Variants in ATRNL1 observed in about 807,000 individuals in gnomAD.
ATRNL1 encodes attractin like 1.
ATRNL1 carries 95 observed loss-of-function variants against 182.7 expected under a neutral mutation model. The observed-to-expected ratio is 0.52, with a 90% confidence interval of 0.44 to 0.62. The LOEUF is 0.62. Ranked by LOEUF, ATRNL1 falls within the 20% of genes least tolerant of loss-of-function variation. The pLI, the probability that ATRNL1 is intolerant of heterozygous loss-of-function variation, is 0.00. For missense variants in ATRNL1, 1,471 were observed against 1,679.5 expected (o/e 0.88, Z 2.17); for synonymous variants, 576 against 568.3 (o/e 1.01, Z -0.19).
At chr10:115,097,249 C>T (rs573361956) in intron 1 of ATRNL1, among the ~76,000 whole-genome samples, 5 of 152,030 alleles carry the variant, frequency 3.3e-5, no homozygotes, top group African/African-American at 1.2e-4. Context: ...TTTGGGAGGC[C>T]GAGGTGGAAG....
intron 10 of ATRNL1, among the ~76,000 whole-genome samples, chr10:115,249,340 C>T (rs1054575324): frequency 8.7e-5 from 13 of 149,926 alleles, no homozygotes; most frequent in South Asian, 2.1e-4. Flanking sequence ...TATATATATA[C>T]ACACACACAC....
At position 115,506,061 on chromosome 10, in the gene ATRNL1, G is replaced by A. The variant is rs981042359; in HGVS notation, c.3655-13202G>A. Among the ~76,000 whole-genome samples the A allele has an allele frequency of 2.0e-5, 3 of 151,724 alleles. No individual in the cohort carries two copies. The South Asian group carries it at 6.2e-4, about 32-fold the overall frequency. On this transcript the variant is annotated intron_variant, in intron 24 of 28. Coordinates refer to ENST00000355044, the MANE Select transcript of ATRNL1 (RefSeq NM_207303.4). The stretch of plus-strand genomic sequence containing the variant: ...GCTAGTAAAAAGGTGGCCTTGTTAT[G>A]TAAATAAAGCCCCTTTAGTAGTTAA...
chr10:115,506,715 T>A (rs1850130463), intron 24 of ATRNL1, among the ~76,000 whole-genome samples: 1 of 152,044 alleles, frequency 6.6e-6, no homozygotes, highest in Admixed American at 6.6e-5. Context: ...TTTTGGGAGA[T>A]CAGGGATTCT....
chr10:115,740,609 A>G (rs1948109430), intron 27 of ATRNL1, among the ~76,000 whole-genome samples: 1 of 152,074 alleles, frequency 6.6e-6, no homozygotes, highest in Non-Finnish European at 1.5e-5. Context: ...GGGTTCATGC[A>G]ATTCTTCTGC....
chr10:115,351,076 T>C (rs1474015831), intron 19 of ATRNL1, among the ~76,000 whole-genome samples: 1 of 152,188 alleles, frequency 6.6e-6, no homozygotes, highest in Non-Finnish European at 1.5e-5. Flanking sequence ...GAAATGCTAC[T>C]GAATTTATAT....
intron 26 of ATRNL1, among the ~76,000 whole-genome samples, chr10:115,625,234 G>T (rs1249149426): frequency 6.6e-6 from 1 of 152,088 alleles, no homozygotes; most frequent in Non-Finnish European, 1.5e-5. Context: ...AGGTCTTTTG[G>T]TAGCTGCAAA....
At chr10:115,406,856 T>A (rs1158813410) in intron 20 of ATRNL1, among the ~76,000 whole-genome samples, 4 of 152,144 alleles carry the variant, frequency 2.6e-5, no homozygotes, top group African/African-American at 9.7e-5. Flanking sequence ...TTCTTAATTT[T>A]AATATAATCC....
chr10:115,658,706 G>A (rs1555036792), intron 26 of ATRNL1, among the ~76,000 whole-genome samples: 1 of 152,130 alleles, frequency 6.6e-6, no homozygotes, highest in Non-Finnish European at 1.5e-5. Flanking sequence ...CCTCTTCCCT[G>A]TAGAGTTGCC....
intron 15 of ATRNL1, among the ~76,000 whole-genome samples, chr10:115,290,950 A>G (rs1554920654): frequency 6.6e-6 from 1 of 152,164 alleles, no homozygotes. Context: ...CCTTTACTGT[A>G]CACGTGGTTG....
At chr10:115,579,155 A>G (rs782673029) in intron 26 of ATRNL1, among the ~76,000 whole-genome samples, 1 of 151,730 alleles carries the variant, frequency 6.6e-6, no homozygotes, top group Non-Finnish European at 1.5e-5. Context: ...ATGTGCACTT[A>G]AGAGGAATGT....
At chr10:115,365,611 T>G (rs529315153) in intron 19 of ATRNL1, among the ~76,000 whole-genome samples, 28 of 152,130 alleles carry the variant, frequency 1.8e-4, no homozygotes, top group African/African-American at 6.5e-4. Flanking sequence ...AATTGTGATG[T>G]TAGGGTGTCA....
chr10:115,736,489 G>A (rs782519161), intron 27 of ATRNL1, among the ~76,000 whole-genome samples: 33 of 151,422 alleles, frequency 2.2e-4, no homozygotes, highest in Non-Finnish European at 3.7e-4. Context: ...TTATTTTTAC[G>A]TTGTATCTGA....
intron 17 of ATRNL1, among the ~76,000 whole-genome samples, chr10:115,312,141 C>T (rs1242278440): frequency 6.6e-6 from 1 of 152,072 alleles, no homozygotes; most frequent in Non-Finnish European, 1.5e-5. Context: ...CATTTCTAGT[C>T]ATCATGTTGA....
chr10:115,204,247 G>A (rs1848713891), intron 8 of ATRNL1, among the ~76,000 whole-genome samples: 1 of 151,898 alleles, frequency 6.6e-6, no homozygotes, highest in Non-Finnish European at 1.5e-5. Flanking sequence ...TGCAAACAGA[G>A]GCAACACTTC....
rs868923983 is a variant in ATRNL1, at chr10:115,817,781, G to A, written c.3904-30096G>A. Among the ~76,000 whole-genome samples, 12 of 147,356 alleles carry A rather than the reference G, an allele frequency of 8.1e-5. No homozygotes were observed. The South Asian group carries it at 8.6e-4, about 11-fold the overall frequency. On this transcript the variant is annotated intron_variant, in intron 27 of 28. Coordinates refer to ENST00000355044, the MANE Select transcript of ATRNL1 (RefSeq NM_207303.4). ...ATAAAAAAGTAGTTTTTTTTTTTTG[G>A]TTTGTTTTTAATTGAGAGATATTTT... is the stretch of plus-strand genomic sequence containing the variant.
intron 26 of ATRNL1, among the ~76,000 whole-genome samples, chr10:115,696,580 T>A (rs555634229): frequency 1.3e-5 from 2 of 152,298 alleles, no homozygotes; most frequent in South Asian, 4.1e-4. Context: ...CTTTGAGGAA[T>A]CTCCATACTG....
At chr10:115,716,497 A>G (rs1947255846) in intron 26 of ATRNL1, among the ~76,000 whole-genome samples, 1 of 152,182 alleles carries the variant, frequency 6.6e-6, no homozygotes, top group African/African-American at 2.4e-5. Flanking sequence ...GAAAAAGCTA[A>G]CTGGATTATG....
intron 10 of ATRNL1, among the ~76,000 whole-genome samples, chr10:115,250,180 C>G (rs192106518): frequency 3.9e-5 from 6 of 152,212 alleles, no homozygotes; most frequent in Admixed American, 2.0e-4. Flanking sequence ...ATCATGGGTA[C>G]CACTTCCATT....
At chr10:115,637,522 A>C (rs550939857) in intron 26 of ATRNL1, among the ~76,000 whole-genome samples, 1 of 151,886 alleles carries the variant, frequency 6.6e-6, no homozygotes, top group South Asian at 2.1e-4. Flanking sequence ...AACCTGCGTT[A>C]TTATGGAAGT....
Sources: gnomAD v4.1 joint callset for allele counts (sites outside exome capture counted in the v4.1 genomes callset) on GRCh38, gnomAD v4.1.1 for gene constraint, MANE v1.5 for transcripts, NCBI Gene and HGNC (gene_info 2026-07-23, HGNC 2026-07-21) for gene names.